The following HDAC11 variants were observed in gnomAD, a reference collection of about 807,000 sequenced individuals.
The protein encoded by HDAC11 is histone deacetylase 11.
In HDAC11, 23 loss-of-function variants were observed where a neutral mutation model predicts 41.1. That is an observed-to-expected ratio of 0.56 (90% CI 0.40 to 0.79). The LOEUF (loss-of-function observed/expected upper bound fraction) is 0.79, where lower values mean the gene tolerates loss of function less well. Among genes scored for constraint, HDAC11 ranks in the 30% least tolerant of loss-of-function variants. The pLI, the probability that HDAC11 is intolerant of heterozygous loss-of-function variation, is 0.00. For synonymous variants in HDAC11, 187 were observed against 186.6 expected, an observed-to-expected ratio of 1.00 and a Z score of -0.02; for missense variants, 402 against 477.3, an observed-to-expected ratio of 0.84 and a Z score of 1.47.
chr3:13,494,356 TGG>T (rs1410584516), intron 3 of HDAC11, among the ~76,000 whole-genome samples: 1 of 152,204 alleles, frequency 6.6e-6, no homozygotes, highest in Non-Finnish European at 1.5e-5. Flanking sequence ...TGCCGGGCAG[TGG>T]GATGAGTGTG....
At chr3:13,488,025 T>C (rs1454558078) in intron 3 of HDAC11, among the ~76,000 whole-genome samples, 1 of 151,010 alleles carries the variant, frequency 6.6e-6, no homozygotes, top group Non-Finnish European at 1.5e-5. Flanking sequence ...GGTGATGTGG[T>C]CATCTGGGGA....
intron 5 of HDAC11, among the ~76,000 whole-genome samples, chr3:13,499,866 C>A (rs1199460769): frequency 1.3e-5 from 2 of 152,192 alleles, no homozygotes; most frequent in Non-Finnish European, 2.9e-5. Context: ...GGATCCTGAT[C>A]CACCCTGGGT....
rs956937480 is a variant in HDAC11, at chr3:13,505,662, G to C, written c.*979G>C. 15 of 152,372 alleles carry C rather than the reference G, an allele frequency of 9.8e-5. No individual in the cohort carries two copies. Among genetic ancestry groups the C allele is most frequent in the African/African-American group, 3.6e-4 (15 of 41,438 alleles). 9.4% of individuals were successfully genotyped at this position (152,372 alleles called of 1,614,324 possible). On this transcript the variant is annotated 3_prime_UTR_variant, in exon 10 of 10. Coordinates refer to ENST00000295757, the MANE Select transcript of HDAC11 (RefSeq NM_024827.4). The stretch of plus-strand genomic sequence containing the variant: ...GGCGGGGCAGGGGTTCCTGGAGAGA[G>C]GGCAGCGAGGATCTCTATCCTGGCC...
chr3:13,494,104 G>T (rs975288993), intron 3 of HDAC11, among the ~76,000 whole-genome samples: 1 of 152,262 alleles, frequency 6.6e-6, no homozygotes, highest in Admixed American at 6.5e-5. Context: ...CGACTTGCCG[G>T]TGGAAGCCTC....
intron 3 of HDAC11, among the ~76,000 whole-genome samples, chr3:13,495,549 T>G (rs1334270175): frequency 6.6e-6 from 1 of 152,116 alleles, no homozygotes; most frequent in Non-Finnish European, 1.5e-5. Flanking sequence ...ATCTCATGCT[T>G]CCTCTCTAGG....
intron 5 of HDAC11, 71 bp downstream of exon 5, chr3:13,498,626 G>A: frequency 1.0e-6 from 1 of 997,204 alleles, no homozygotes; most frequent in Non-Finnish European, 1.5e-6. Context: ...GGGGCTGGGG[G>A]AGGGCGGGAG....
chr3:13,503,555 A>G (rs1013117824), intron 8 of HDAC11, among the ~76,000 whole-genome samples: 2 of 152,268 alleles, frequency 1.3e-5, no homozygotes, highest in Non-Finnish European at 2.9e-5. Context: ...CAAGAGCGAA[A>G]CTCCATCTCG....
chr3:13,486,432 A>G (rs1032611807), intron 3 of HDAC11, among the ~76,000 whole-genome samples: 14 of 149,214 alleles, frequency 9.4e-5, no homozygotes, highest in African/African-American at 3.1e-4. Flanking sequence ...GCAACCACCC[A>G]AGAGCATTTT....
chr3:13,504,218 A>G lies in HDAC11; in HGVS notation c.774A>G (p.Ala258=). The G allele has an allele frequency of 6.2e-7, 1 of 1,613,884 alleles. No homozygotes were observed. Among genetic ancestry groups the G allele is most frequent in the South Asian group, 1.1e-5 (1 of 91,080 alleles). The change falls in exon 9 of 10, where the codon GCA becomes GCG. Residue 258 remains alanine (A), a synonymous_variant. Transcript: ENST00000295757. ...EHLPDVVVYN[A]GTDILEGDRL... ...TGCCCGACGTGGTGGTATACAATGCAGGCACCGACATCCTCGAGGGGGACC... is the reference window on the plus strand; with the variant it reads ...TGCCCGACGTGGTGGTATACAATGCGGGCACCGACATCCTCGAGGGGGACC...
In HDAC11 at chr3:13,502,425, C is replaced by A; in HGVS notation, c.553-459C>A. ...TCAGGACCCCTAATGAGGCCAGTGC[C>A]TCTGGTCAGACAGGGAGGGGACCCA... is the stretch of plus-strand genomic sequence containing the variant. On this transcript the variant is annotated intron_variant, in intron 7 of 9. Coordinates refer to ENST00000295757, the MANE Select transcript of HDAC11 (RefSeq NM_024827.4). This position sits in a 1 kb window ranked among gnomAD's most constrained non-coding sequence, Gnocchi z 4.1. The A allele has an allele frequency of 5.3e-6, 1 of 189,204 alleles. No homozygotes were observed. Among genetic ancestry groups the A allele is most frequent in the Non-Finnish European group, 1.1e-5 (1 of 90,894 alleles). 11.7% of individuals were successfully genotyped at this position (189,204 alleles called of 1,614,324 possible). A position where few individuals can be genotyped will look rare whatever the true frequency, so the allele number is the denominator to read the frequency against.
In HDAC11 at chr3:13,502,019, CAT is replaced by C; in HGVS notation, c.552+87_552+88del. ...CCCGGGGCAGGAGAGTCTCCCTCCT[CAT>C]GTCCCCACGGCTCTCACGGCTTCTG... On this transcript the variant is annotated intron_variant, in intron 7 of 9. Transcript: ENST00000295757. The surrounding 1 kb of genome is among the most constrained non-coding windows in gnomAD (Gnocchi z 4.1). 1 of 1,071,064 alleles carries C rather than the reference CAT, an allele frequency of 9.3e-7. No individual in the cohort carries two copies. Among genetic ancestry groups the C allele is most frequent in the Non-Finnish European group, 1.4e-6 (1 of 699,140 alleles). 66.3% of individuals were successfully genotyped at this position (1,071,064 alleles called of 1,614,324 possible). A position where few individuals can be genotyped will look rare whatever the true frequency, so the allele number is the denominator to read the frequency against.
intron 3 of HDAC11, among the ~76,000 whole-genome samples, chr3:13,491,587 C>T (rs1210264726): frequency 3.3e-5 from 5 of 152,138 alleles, no homozygotes; most frequent in African/African-American, 1.2e-4. Context: ...TTGGTTTGAA[C>T]CTGAGGGCAG....
At position 13,504,899 on chromosome 3, in the gene HDAC11, T is replaced by G; in HGVS notation, c.*216T>G. 1 of 598,486 alleles carries G rather than the reference T, an allele frequency of 1.7e-6. No individual in the cohort carries two copies. The highest frequency in any genetic ancestry group is 3.0e-5 in the Admixed American group (1 of 33,832). 37.1% of individuals were successfully genotyped at this position (598,486 alleles called of 1,614,324 possible). On this transcript the variant is annotated 3_prime_UTR_variant, in exon 10 of 10. Coordinates refer to ENST00000295757, the MANE Select transcript of HDAC11 (RefSeq NM_024827.4). ...GGGTGGGGGCAGAAGGCAGAGCCTG[T>G]GTCCCAGGGGGACCCACACGAAGTC...
chr3:13,492,719 T>G (rs945352683), intron 3 of HDAC11, among the ~76,000 whole-genome samples: 2 of 152,058 alleles, frequency 1.3e-5, no homozygotes, highest in African/African-American at 4.8e-5. Flanking sequence ...AATTTTTGTG[T>G]TTTTAATGGA....
At chr3:13,482,586 C>T (rs1438838053) in intron 2 of HDAC11, among the ~76,000 whole-genome samples, 1 of 152,188 alleles carries the variant, frequency 6.6e-6, no homozygotes, top group Non-Finnish European at 1.5e-5. Flanking sequence ...AGTTTGAGAC[C>T]AGCTTGGGCA....
chr3:13,498,187 G>A (rs189240674), intron 4 of HDAC11, among the ~76,000 whole-genome samples: 1 of 152,260 alleles, frequency 6.6e-6, no homozygotes, highest in East Asian at 1.9e-4. Flanking sequence ...GCAAAACTTT[G>A]CCTATTTTCC....
chr3:13,500,594 G>A, intron 5 of HDAC11, 119 bp from the exon 6 acceptor site: 1 of 814,884 alleles, frequency 1.2e-6, no homozygotes. Flanking sequence ...CAGAGTCCGA[G>A]GCACAGGTTC....
In HDAC11 at chr3:13,480,331, G is replaced by C; in HGVS notation, c.-17G>C. 2 of 1,228,198 alleles carry C rather than the reference G, an allele frequency of 1.6e-6. No individual in the cohort carries two copies. The highest frequency in any genetic ancestry group is 3.8e-5 in the South Asian group (1 of 26,332). 76.1% of individuals were successfully genotyped at this position (1,228,198 alleles called of 1,614,324 possible). The stretch of plus-strand genomic sequence containing the variant: ...GGTCGCGGAGCTGCGGCCAGCTTTG[G>C]GAGGGCCGGCCCCGGGATGTGAGTG... On this transcript the variant is annotated 5_prime_UTR_variant, in exon 1 of 10. Transcript: ENST00000295757. The surrounding 1 kb of genome is among the most constrained non-coding windows in gnomAD (Gnocchi z 4.6).
chr3:13,486,316 T>G (rs1412086019), intron 3 of HDAC11, among the ~76,000 whole-genome samples: 3 of 149,118 alleles, frequency 2.0e-5, no homozygotes, highest in Admixed American at 2.0e-4. Flanking sequence ...TAGTCAGTCA[T>G]TCAACACATC....
Sources: allele counts gnomAD v4.1 joint callset (sites outside exome capture counted in the v4.1 genomes callset), GRCh38; gene constraint gnomAD v4.1.1; non-coding constraint Gnocchi (gnomAD v3.1); transcripts MANE v1.5; gene names NCBI Gene and HGNC (gene_info 2026-07-23, HGNC 2026-07-21).